Variants in BAZ1B observed in about 807,000 individuals in gnomAD.
The protein encoded by BAZ1B is tyrosine-protein kinase BAZ1B.
In BAZ1B, 22 loss-of-function variants were observed where a neutral mutation model predicts 153.8. That is an observed-to-expected ratio of 0.14 (90% CI 0.10 to 0.20). BAZ1B has a LOEUF of 0.20. BAZ1B is among the 10% of genes least tolerant of loss of function. The probability of loss-of-function intolerance (pLI) is 1.00; values close to 1 mark genes in which losing one functional copy is unlikely to be tolerated. For synonymous variants in BAZ1B, 676 were observed against 633.4 expected (o/e 1.07, Z -1.01); for missense variants, 1,325 against 1,799.3 (o/e 0.74, Z 4.77).
intron 1 of BAZ1B, among the ~76,000 whole-genome samples, chr7:73,518,077 T>A (rs533893432): frequency 2.6e-5 from 4 of 152,272 alleles, no homozygotes; most frequent in African/African-American, 9.6e-5. Context: ...AAAACAAGTC[T>A]AATATGGCAT....
At chr7:73,509,203 T>C (rs970469124) in intron 2 of BAZ1B, among the ~76,000 whole-genome samples, 1 of 151,274 alleles carries the variant, frequency 6.6e-6, no homozygotes. Flanking sequence ...ATGCCTGTAA[T>C]CCCAGCTACT....
chr7:73,442,145 C>T (rs375745353), intron 19 of BAZ1B, 36 bp downstream of exon 19: 1 of 634,622 alleles, frequency 1.6e-6, no homozygotes, highest in East Asian at 2.8e-5. Flanking sequence ...CTCCCTCCCA[C>T]CCTCCCTAGC....
At chr7:73,492,234 C>A (rs956606124) in intron 5 of BAZ1B, among the ~76,000 whole-genome samples, 1 of 152,178 alleles carries the variant, frequency 6.6e-6, no homozygotes, top group Non-Finnish European at 1.5e-5. Context: ...GTGATCTCCA[C>A]TCACTGCAAG....
At chr7:73,442,599 G>A (rs1554565426) in intron 18 of BAZ1B, 46 bp from the exon 19 acceptor site, 4 of 1,571,878 alleles carry the variant, frequency 2.5e-6, no homozygotes, top group Non-Finnish European at 3.5e-6. Context: ...CTTGACGGCA[G>A]TGCCCCTGCC....
chr7:73,441,303 G>A lies in BAZ1B; in HGVS notation c.*406C>T, dbSNP rs1787606731. 6.6e-6 allele frequency: 1 copy of A among 152,430 alleles called. No individual in the cohort carries two copies. The highest frequency in any genetic ancestry group is 6.6e-5 in the Admixed American group (1 of 15,256). The allele number at this position is 152,430 out of a possible 1,614,324, so 9.4% of individuals were successfully genotyped here. On this transcript the variant is annotated 3_prime_UTR_variant, in exon 20 of 20. Coordinates refer to ENST00000339594, the MANE Select transcript of BAZ1B (RefSeq NM_032408.4). ...TTATACAATATCACTGCTGAAACAAGCAACTTTTAATAACTAGAAAAGTCA... is the reference window on the plus strand; with the variant it reads ...TTATACAATATCACTGCTGAAACAAACAACTTTTAATAACTAGAAAAGTCA...
intron 5 of BAZ1B, among the ~76,000 whole-genome samples, chr7:73,491,416 G>A (rs892046011): frequency 1.3e-5 from 2 of 151,948 alleles, no homozygotes; most frequent in Non-Finnish European, 2.9e-5. Flanking sequence ...CCTGACCAAC[G>A]TGGTGAAACT....
intron 7 of BAZ1B, among the ~76,000 whole-genome samples, chr7:73,475,846 T>A (rs1220462688): frequency 6.9e-6 from 1 of 145,760 alleles, no homozygotes; most frequent in African/African-American, 2.5e-5. Context: ...ATCGCTTGAA[T>A]CCAGAAGGCG....
At chr7:73,518,630 C>T (rs1464156241) in intron 1 of BAZ1B, among the ~76,000 whole-genome samples, 2 of 152,038 alleles carry the variant, frequency 1.3e-5, no homozygotes, top group East Asian at 1.9e-4. Flanking sequence ...CTCTTGAGTC[C>T]GGTTCAAGGC....
intron 3 of BAZ1B, among the ~76,000 whole-genome samples, chr7:73,505,913 C>T (rs1790318908): frequency 6.6e-6 from 1 of 152,168 alleles, no homozygotes; most frequent in African/African-American, 2.4e-5. Flanking sequence ...ACTATTATTA[C>T]AATTTCGCTA....
chr7:73,513,803 G>A (rs1461737613), intron 1 of BAZ1B, among the ~76,000 whole-genome samples: 1 of 152,104 alleles, frequency 6.6e-6, no homozygotes, highest in Non-Finnish European at 1.5e-5. Context: ...GGAGGACAAA[G>A]TGGGGGGATC....
At chr7:73,457,909 C>T (rs2116267094) in intron 13 of BAZ1B, among the ~76,000 whole-genome samples, 1 of 152,278 alleles carries the variant, frequency 6.6e-6, no homozygotes, top group East Asian at 1.9e-4. Context: ...ACGTGAAAGC[C>T]CCACGTACCC....
chr7:73,520,327 C>T (rs982300338), intron 1 of BAZ1B, among the ~76,000 whole-genome samples: 2 of 151,946 alleles, frequency 1.3e-5, no homozygotes, highest in East Asian at 3.9e-4. Context: ...ACCAGATCAC[C>T]ACCCCTCCAC....
chr7:73,496,226 C>T (rs1403157066), intron 4 of BAZ1B, among the ~76,000 whole-genome samples: 1 of 152,010 alleles, frequency 6.6e-6, no homozygotes, highest in Non-Finnish European at 1.5e-5. Flanking sequence ...GCAAGTAATG[C>T]CCTTATTACA....
intron 1 of BAZ1B, among the ~76,000 whole-genome samples, chr7:73,517,847 T>C (rs1423093397): frequency 2.0e-5 from 3 of 152,254 alleles, no homozygotes; most frequent in African/African-American, 7.2e-5. Flanking sequence ...TGCTTTGTTC[T>C]CTTCAGTCTT....
At position 73,478,140 on chromosome 7, in the gene BAZ1B, A is replaced by G. The variant is rs961256348; in HGVS notation, c.1321T>C (p.Leu441=). The G allele has an allele frequency of 6.2e-7, 1 of 1,614,100 alleles. No individual in the cohort carries two copies. Residue 441 remains leucine, a synonymous_variant, in exon 7 of 20, where the codon TTG becomes CTG. Transcript: ENST00000339594. ...PKTKMKQMTL[L]DMAKGTQKMT... ...TTCTGCGTGCCTTTGGCCATATCCA[A>G]CAAAGTCATCTGCTTCATTTTGGTT...
intron 4 of BAZ1B, among the ~76,000 whole-genome samples, chr7:73,495,577 A>C (rs62465153): frequency 2.0e-5 from 3 of 152,218 alleles, no homozygotes; most frequent in Non-Finnish European, 4.4e-5. Context: ...AGTGACCAAC[A>C]GTATTAAATG....
In BAZ1B at chr7:73,489,228, C is replaced by A; in HGVS notation, c.857G>T (p.Ser286Ile). ...ATCAAGTAAAAAGTCACTGAACTTG[C>A]TGGGCAGAGAGTATTTCTTCACCAA... ...DELVKKYSLP[S>I]KFSDFLLDPY... The change falls in exon 6 of 20, where the codon AGC (serine) becomes ATC (isoleucine). Residue 286 changes from serine (S) to isoleucine (I), a missense_variant. Physicochemically the swap from Ser to Ile is moderately radical, Grantham distance 142. Coordinates refer to ENST00000339594, the MANE Select transcript of BAZ1B (RefSeq NM_032408.4). The A allele has an allele frequency of 6.2e-7, 1 of 1,614,150 alleles. No individual in the cohort carries two copies. Among genetic ancestry groups the A allele is most frequent in the Non-Finnish European group, 8.5e-7 (1 of 1,180,024 alleles).
At position 73,454,284 on chromosome 7, in the gene BAZ1B, G is replaced by A. The variant is rs76096787; in HGVS notation, c.3433-3290C>T. Reference sequence around the variant, plus strand: ...CTGCAGAGAGCCTGGGCAACACAGTGAGACCCCATCCCAAAAAGTAAAGAC... The same window carrying A: ...CTGCAGAGAGCCTGGGCAACACAGTAAGACCCCATCCCAAAAAGTAAAGAC... On this transcript the variant is annotated intron_variant, in intron 13 of 19. Coordinates refer to ENST00000339594, the MANE Select transcript of BAZ1B (RefSeq NM_032408.4). Among the ~76,000 whole-genome samples, 726 of 152,238 alleles carry A rather than the reference G, an allele frequency of 4.8e-3. 8 individuals carry two copies. The highest frequency in any genetic ancestry group is 0.017 in the African/African-American group (690 of 41,542).
rs1787670191 is a variant in BAZ1B at position 73,442,668 on chromosome 7, G to T, written c.4094+57C>A. 1.5e-5 allele frequency: 24 copies of T among 1,570,190 alleles called. No homozygotes were observed. The South Asian group carries it at 2.6e-4, about 17-fold the overall frequency. Reference sequence around the variant, plus strand: ...TGAGAGCCCCTCAGGGGCTCTGGAAGCTTTTAGAACCAGCCAGGCCACTCC... The same window carrying T: ...TGAGAGCCCCTCAGGGGCTCTGGAATCTTTTAGAACCAGCCAGGCCACTCC... On this transcript the variant is annotated intron_variant, in intron 18 of 19. Coordinates refer to ENST00000339594, the MANE Select transcript of BAZ1B (RefSeq NM_032408.4).
Sources: gnomAD v4.1 joint callset for allele counts (sites outside exome capture counted in the v4.1 genomes callset) on GRCh38, gnomAD v4.1.1 for gene constraint, MANE v1.5 for transcripts, NCBI Gene and HGNC (gene_info 2026-07-23, HGNC 2026-07-21) for gene names.